Variants in DOK6 observed in about 807,000 individuals in gnomAD.
DOK6 encodes docking protein 6.
A neutral mutation model predicts 44.0 loss-of-function variants in DOK6; 22 were observed. That is an observed-to-expected ratio of 0.50 (90% CI 0.36 to 0.71). DOK6 has a LOEUF of 0.71. Ranked by LOEUF, DOK6 falls within the 30% of genes least tolerant of loss-of-function variation. The probability of loss-of-function intolerance (pLI) is 0.00; values close to 1 mark genes in which losing one functional copy is unlikely to be tolerated. For missense variants in DOK6, 340 were observed against 416.4 expected (o/e 0.82, Z 1.60); for synonymous variants, 166 against 145.5 (o/e 1.14, Z -1.01).
intron 1 of DOK6, among the ~76,000 whole-genome samples, chr18:69,504,837 T>C (rs1328265416): frequency 6.6e-6 from 1 of 152,204 alleles, no homozygotes; most frequent in Non-Finnish European, 1.5e-5. Flanking sequence ...TAAATATTTT[T>C]CCTATTTTCC....
intron 5 of DOK6, among the ~76,000 whole-genome samples, chr18:69,720,679 C>A (rs573380908): frequency 2.0e-5 from 3 of 152,066 alleles, no homozygotes; most frequent in Non-Finnish European, 4.4e-5. Context: ...TTTGGTTTTG[C>A]AATATGCTTA....
At chr18:69,537,278 T>TCATGTCTTC (rs1191842567) in intron 1 of DOK6, among the ~76,000 whole-genome samples, 5 of 152,210 alleles carry the variant, frequency 3.3e-5, no homozygotes, top group Non-Finnish European at 5.9e-5. Context: ...TCAGTCTCAC[T>TCATGTCTTC]CATGTCTTCT....
intron 3 of DOK6, among the ~76,000 whole-genome samples, 173 bp from the exon 4 acceptor site, chr18:69,677,561 T>C (rs1320384362): frequency 1.3e-5 from 2 of 152,044 alleles, no homozygotes; most frequent in African/African-American, 2.4e-5. Flanking sequence ...TGTCAAAGAG[T>C]AGGAAATAAT....
chr18:69,513,209 G>C (rs1981423221), intron 1 of DOK6, among the ~76,000 whole-genome samples: 1 of 152,240 alleles, frequency 6.6e-6, no homozygotes, highest in South Asian at 2.1e-4. Context: ...TTAAAAATAA[G>C]AAAGAAGAGG....
chr18:69,405,626 T>TAAAATAAAATAAAATAAAATAAAATAA (rs1487215020), intron 1 of DOK6, among the ~76,000 whole-genome samples: 6 of 143,432 alleles, frequency 4.2e-5, no homozygotes, highest in African/African-American at 1.5e-4. Context: ...TAAAATAAAA[T>TAAAATAAAATAAAATAAAATAAAATAA]AAATAGAAAT....
rs146476104 is a variant in DOK6, at chr18:69,519,225, T to C, written c.67-45262T>C. On this transcript the variant is annotated intron_variant, in intron 1 of 7. Transcript: ENST00000382713. ...ATGAATCACTAGAATAGAAAATTGTTTTGAACATAATCACAAATTTTGACA... is the reference window on the plus strand; with the variant it reads ...ATGAATCACTAGAATAGAAAATTGTCTTGAACATAATCACAAATTTTGACA... Among the ~76,000 whole-genome samples the C allele has an allele frequency of 2.3e-3, 350 of 152,178 alleles. 1 individual carries two copies. The highest frequency in any genetic ancestry group is 6.8e-3 in the Middle Eastern group (2 of 294).
At chr18:69,725,494 T>TTTATTGAGACATTTTATTA (rs1317321791) in intron 5 of DOK6, among the ~76,000 whole-genome samples, 1 of 152,178 alleles carries the variant, frequency 6.6e-6, no homozygotes, top group Non-Finnish European at 1.5e-5. Flanking sequence ...AATTTTTAAA[T>TTTATTGAGACATTTTATTA]ATGTATTTAT....
At chr18:69,427,702 G>C (rs1030825160) in intron 1 of DOK6, among the ~76,000 whole-genome samples, 1 of 151,774 alleles carries the variant, frequency 6.6e-6, no homozygotes, top group African/African-American at 2.4e-5. Context: ...CATGGAATCA[G>C]CCTAAATGCC....
intron 1 of DOK6, among the ~76,000 whole-genome samples, chr18:69,552,468 C>G (rs1187579158): frequency 6.6e-6 from 1 of 151,784 alleles, no homozygotes; most frequent in Non-Finnish European, 1.5e-5. Context: ...TCCATAGGAA[C>G]CTGTTTGGAA....
intron 1 of DOK6, among the ~76,000 whole-genome samples, chr18:69,522,349 T>C (rs539874997): frequency 2.0e-5 from 3 of 152,116 alleles, no homozygotes; most frequent in Non-Finnish European, 4.4e-5. Context: ...TATTTGGAAC[T>C]TGTAAGACTT....
intron 3 of DOK6, among the ~76,000 whole-genome samples, chr18:69,612,456 A>AGGGCGCATGT (rs376765699): frequency 6.8e-6 from 1 of 146,596 alleles, no homozygotes; most frequent in Non-Finnish European, 1.5e-5. Context: ...CATGTGTGCG[A>AGGGCGCATGT]GCGTGCATAT....
intron 3 of DOK6, among the ~76,000 whole-genome samples, chr18:69,611,146 A>G (rs889517412): frequency 8.5e-5 from 13 of 152,336 alleles, no homozygotes; most frequent in South Asian, 2.1e-4. Context: ...TATACAATTT[A>G]TCGCATTCAC....
intron 5 of DOK6, among the ~76,000 whole-genome samples, chr18:69,719,697 G>A (rs1194920342): frequency 2.0e-5 from 3 of 152,194 alleles, no homozygotes; most frequent in African/African-American, 7.2e-5. Flanking sequence ...TTGCTTTAAA[G>A]TTAAACTATA....
At position 69,401,217 on chromosome 18, in the gene DOK6, G is replaced by C. The variant is rs779057964; in HGVS notation, c.-28G>C. On this transcript the variant is annotated 5_prime_UTR_variant, in exon 1 of 8. Transcript: ENST00000382713. Reference sequence around the variant, plus strand: ...CTCTCGACTCCGGAGAGCGGATCGCGGGGCGCAGGAGCCCGATCGCGCTGG... The same window carrying C: ...CTCTCGACTCCGGAGAGCGGATCGCCGGGCGCAGGAGCCCGATCGCGCTGG... 6.5e-7 allele frequency: 1 copy of C among 1,542,754 alleles called. No individual in the cohort carries two copies. The highest frequency in any genetic ancestry group is 8.7e-7 in the Non-Finnish European group (1 of 1,146,406).
chr18:69,834,731 C>G (rs368905897), intron 7 of DOK6, among the ~76,000 whole-genome samples: 51 of 152,204 alleles, frequency 3.4e-4, no homozygotes, highest in African/African-American at 9.9e-4. Flanking sequence ...TCGTAGAGAG[C>G]CCTGGGTTGC....
chr18:69,740,741 C>T (rs1201497533), intron 6 of DOK6, among the ~76,000 whole-genome samples: 3 of 152,280 alleles, frequency 2.0e-5, no homozygotes, highest in African/African-American at 4.8e-5. Context: ...GAGGTTTCTG[C>T]GCATTCATCT....
chr18:69,594,919 T>C (rs1262918213), intron 2 of DOK6, among the ~76,000 whole-genome samples: 1 of 152,070 alleles, frequency 6.6e-6, no homozygotes, highest in Non-Finnish European at 1.5e-5. Context: ...AGTTGCAGCA[T>C]ACAAAATCAA....
rs182792343 is a variant in DOK6, at chr18:69,600,175, G to A, written c.289+677G>A. On this transcript the variant is annotated intron_variant, in intron 3 of 7. Transcript: ENST00000382713. ...AGAAAGTACCAAGGGTTTGCAAGAT[G>A]TGAACTTAAACTAATGATTAGGTCT... Among the ~76,000 whole-genome samples the A allele has an allele frequency of 2.5e-3, 322 of 128,058 alleles. 5 individuals carry two copies. Among genetic ancestry groups the A allele is most frequent in the African/African-American group, 8.6e-3 (314 of 36,456 alleles). 84.0% of individuals were successfully genotyped at this position (128,058 alleles called of 152,430 possible).
At chr18:69,715,603 A>G (rs775684420) in intron 5 of DOK6, among the ~76,000 whole-genome samples, 1 of 152,174 alleles carries the variant, frequency 6.6e-6, no homozygotes, top group Non-Finnish European at 1.5e-5. Context: ...GGGAAGCACA[A>G]CTTTTGACAT....
Sources: allele counts gnomAD v4.1 joint callset (sites outside exome capture counted in the v4.1 genomes callset), GRCh38; gene constraint gnomAD v4.1.1; transcripts MANE v1.5; gene names NCBI Gene and HGNC (gene_info 2026-07-23, HGNC 2026-07-21).